B3GALT1: variants seen among roughly 807,000 people sequenced by gnomAD.
B3GALT1 encodes UDP-Gal:betaGlcNAc beta 1,3-galactosyltransferase, polypeptide 1.
In B3GALT1, 10 loss-of-function variants were observed where a neutral mutation model predicts 23.2. That is an observed-to-expected ratio of 0.43 (90% CI 0.27 to 0.73). The LOEUF (loss-of-function observed/expected upper bound fraction) is 0.73, where lower values mean the gene tolerates loss of function less well. Among genes scored for constraint, B3GALT1 ranks in the 30% least tolerant of loss-of-function variants. B3GALT1 has a pLI of 0.21. For missense variants in B3GALT1, 299 were observed against 405.4 expected, an observed-to-expected ratio of 0.74 and a Z score of 2.25; for synonymous variants, 156 against 141.5, an observed-to-expected ratio of 1.10 and a Z score of -0.73.
At chr2:167,774,439 A>T (rs1331975087) in intron 3 of B3GALT1, among the ~76,000 whole-genome samples, 4 of 146,690 alleles carry the variant, frequency 2.7e-5, no homozygotes, top group African/African-American at 1.0e-4. Flanking sequence ...TATCCTTTGC[A>T]TACCTGCTTC....
At chr2:167,533,011 G>A (rs758585931) in intron 2 of B3GALT1, among the ~76,000 whole-genome samples, 6 of 151,856 alleles carry the variant, frequency 4.0e-5, no homozygotes, top group Admixed American at 1.3e-4. Context: ...ATAGGCATGC[G>A]CCATCACGCC....
intron 3 of B3GALT1, among the ~76,000 whole-genome samples, chr2:167,726,856 A>G (rs1421037598): frequency 6.6e-6 from 1 of 152,226 alleles, no homozygotes; most frequent in Non-Finnish European, 1.5e-5. Context: ...CATGTAAGCA[A>G]CATTTGGCAT....
At chr2:167,686,410 C>T (rs16854065) in intron 3 of B3GALT1, among the ~76,000 whole-genome samples, 19,024 of 152,088 alleles carry the variant, frequency 0.13, 1,292 homozygotes, top group Middle Eastern at 0.21. Flanking sequence ...TATTCATTCA[C>T]GTGTATTTTT....
intron 2 of B3GALT1, among the ~76,000 whole-genome samples, chr2:167,564,809 G>A (rs1259125086): frequency 6.6e-6 from 1 of 152,192 alleles, no homozygotes; most frequent in African/African-American, 2.4e-5. Flanking sequence ...GGGATGTGAA[G>A]GACCTCTTGA....
intron 1 of B3GALT1, among the ~76,000 whole-genome samples, chr2:167,470,767 T>G (rs1699410194): frequency 6.6e-6 from 1 of 152,216 alleles, no homozygotes; most frequent in African/African-American, 2.4e-5. Flanking sequence ...CTTTGAGAGA[T>G]ATAGCAAACC....
At chr2:167,755,009 G>A (rs1479841962) in intron 3 of B3GALT1, among the ~76,000 whole-genome samples, 2 of 152,130 alleles carry the variant, frequency 1.3e-5, no homozygotes, top group Admixed American at 6.5e-5. Context: ...TTCTTGAGCA[G>A]TGTCTAATGA....
intron 4 of B3GALT1, among the ~76,000 whole-genome samples, chr2:167,843,485 A>T (rs1689691648): frequency 6.6e-6 from 1 of 152,168 alleles, no homozygotes; most frequent in Non-Finnish European, 1.5e-5. Context: ...AATCAGACAG[A>T]CTGCCAGGAT....
rs1025015255 is a variant in B3GALT1 at position 167,870,047 on chromosome 2, T to G, written c.*27T>G. ...ATTTTTACCAATGTAAATATGTTTCTTTTCTTTTTTTAAGAAATGGGACCT... is the reference window on the plus strand; with the variant it reads ...ATTTTTACCAATGTAAATATGTTTCGTTTCTTTTTTTAAGAAATGGGACCT... On this transcript the variant is annotated 3_prime_UTR_variant, in exon 5 of 5. Transcript: ENST00000392690. The G allele has an allele frequency of 6.5e-7, 1 of 1,544,114 alleles. No homozygotes were observed. Among genetic ancestry groups the G allele is most frequent in the African/African-American group, 1.4e-5 (1 of 72,726 alleles).
At chr2:167,713,710 A>G in intron 3 of B3GALT1, 2 of 1,518,352 alleles carry the variant, frequency 1.3e-6, no homozygotes. Flanking sequence ...TGAAGGTGGA[A>G]TCAACCCTCA....
At chr2:167,661,609 A>G (rs1686061522) in intron 3 of B3GALT1, among the ~76,000 whole-genome samples, 2 of 152,032 alleles carry the variant, frequency 1.3e-5, no homozygotes, top group African/African-American at 4.8e-5. Flanking sequence ...ATCTCCACAA[A>G]AGTGACAACC....
At chr2:167,789,808 T>C (rs1004397853) in intron 3 of B3GALT1, among the ~76,000 whole-genome samples, 1 of 152,076 alleles carries the variant, frequency 6.6e-6, no homozygotes, top group African/African-American at 2.4e-5. Flanking sequence ...AGCTCCACCA[T>C]GGATCAGCAG....
At chr2:167,471,435 G>A (rs1699417133) in intron 1 of B3GALT1, among the ~76,000 whole-genome samples, 1 of 152,122 alleles carries the variant, frequency 6.6e-6, no homozygotes, top group Non-Finnish European at 1.5e-5. Context: ...ATGAAAGATG[G>A]GTTTTGGAGT....
chr2:167,815,308 T>C (rs541460770), intron 3 of B3GALT1: 2 of 152,370 alleles, frequency 1.3e-5, no homozygotes, highest in African/African-American at 4.8e-5. Context: ...TTCTCTCTCC[T>C]AAATTCATTA....
At chr2:167,442,127 C>G (rs867487544) in intron 1 of B3GALT1, among the ~76,000 whole-genome samples, 2,461 of 150,708 alleles carry the variant, frequency 0.016, 65 homozygotes, top group African/African-American at 0.058. Flanking sequence ...AGAATATGCA[C>G]TGTTTGGTTT....
At chr2:167,777,938 G>A (rs1419762227) in intron 3 of B3GALT1, among the ~76,000 whole-genome samples, 1 of 151,838 alleles carries the variant, frequency 6.6e-6, no homozygotes. Context: ...TGGTGCTGTG[G>A]TATCTAGTAG....
intron 2 of B3GALT1, among the ~76,000 whole-genome samples, chr2:167,596,669 AT>A (rs34990426): frequency 3.5e-4 from 53 of 151,522 alleles, no homozygotes; most frequent in African/African-American, 1.1e-3. Flanking sequence ...AAAATAGAGG[AT>A]TTTTTTTTGT....
intron 3 of B3GALT1, among the ~76,000 whole-genome samples, chr2:167,668,814 C>T (rs971330718): frequency 5.3e-5 from 8 of 152,262 alleles, no homozygotes; most frequent in Non-Finnish European, 8.8e-5. Flanking sequence ...GGCTCGCGCA[C>T]GGTGCGTGCA....
At chr2:167,706,464 A>G (rs1043525058) in intron 3 of B3GALT1, among the ~76,000 whole-genome samples, 1 of 152,226 alleles carries the variant, frequency 6.6e-6, no homozygotes, top group Non-Finnish European at 1.5e-5. Flanking sequence ...CTATTTGGGT[A>G]TTCCTTATCA....
At chr2:167,691,307 T>G (rs1686706893) in intron 3 of B3GALT1, among the ~76,000 whole-genome samples, 1 of 152,118 alleles carries the variant, frequency 6.6e-6, no homozygotes. Flanking sequence ...GTCCTTCCCA[T>G]GTGGAATGGG....
Sources: gnomAD v4.1 joint callset for allele counts (sites outside exome capture counted in the v4.1 genomes callset) on GRCh38, gnomAD v4.1.1 for gene constraint, MANE v1.5 for transcripts, NCBI Gene and HGNC (gene_info 2026-07-23, HGNC 2026-07-21) for gene names.